The following PTCHD4 variants were observed in gnomAD, a reference collection of about 807,000 sequenced individuals.
The protein encoded by PTCHD4 is patched domain-containing protein 4.
PTCHD4 carries 33 observed loss-of-function variants against 58.1 expected under a neutral mutation model. That is an observed-to-expected ratio of 0.57 (90% CI 0.43 to 0.76). PTCHD4 has a LOEUF of 0.76. PTCHD4 is among the 30% of genes least tolerant of loss of function. PTCHD4 has a pLI of 0.00. For missense variants in PTCHD4, 1,058 were observed against 1,027.1 expected (o/e 1.03, Z -0.41); for synonymous variants, 478 against 409.6 (o/e 1.17, Z -2.02).
chr6:47,895,507 T>C (rs767963503), intron 4 of PTCHD4, among the ~76,000 whole-genome samples: 13 of 152,198 alleles, frequency 8.5e-5, no homozygotes, highest in Non-Finnish European at 1.8e-4. Flanking sequence ...TAGTTAACAT[T>C]GACATGGGAA....
intron 4 of PTCHD4, among the ~76,000 whole-genome samples, chr6:47,923,866 C>T (rs949192604): frequency 1.3e-5 from 2 of 152,154 alleles, no homozygotes; most frequent in African/African-American, 2.4e-5. Context: ...TCTCTTGGCA[C>T]GTGCTTCTTG....
chr6:48,028,799 C>T (rs1413148695), intron 3 of PTCHD4, among the ~76,000 whole-genome samples: 1 of 152,010 alleles, frequency 6.6e-6, no homozygotes, highest in Non-Finnish European at 1.5e-5. Flanking sequence ...AGGCTTTTGA[C>T]ATTTTTGATA....
intron 3 of PTCHD4, among the ~76,000 whole-genome samples, chr6:48,026,254 G>C (rs893841284): frequency 1.3e-5 from 2 of 152,104 alleles, no homozygotes; most frequent in African/African-American, 4.8e-5. Flanking sequence ...TTCCTGGCTG[G>C]CTGTGAGGTT....
At chr6:48,001,805 C>G (rs1768733062) in intron 4 of PTCHD4, among the ~76,000 whole-genome samples, 1 of 152,178 alleles carries the variant, frequency 6.6e-6, no homozygotes, top group Non-Finnish European at 1.5e-5. Flanking sequence ...AAGAAACTAC[C>G]ATTAGCGTGA....
intron 3 of PTCHD4, among the ~76,000 whole-genome samples, chr6:48,046,995 A>C (rs1317272131): frequency 6.6e-6 from 1 of 151,866 alleles, no homozygotes; most frequent in Non-Finnish European, 1.5e-5. Context: ...TCATAAACTG[A>C]ATATTGCTTG....
At chr6:48,022,926 A>AT (rs1162685351) in intron 3 of PTCHD4, among the ~76,000 whole-genome samples, 8 of 152,188 alleles carry the variant, frequency 5.3e-5, no homozygotes, top group Non-Finnish European at 1.0e-4. Flanking sequence ...GGAAAAAAAA[A>AT]GCATTGCCTT....
At position 48,009,078 on chromosome 6, in the gene PTCHD4, C is replaced by T. The variant is rs779224258; in HGVS notation, c.454G>A (p.Gly152Arg). The change falls in exon 4 of 5, where the codon GGG becomes AGG. Residue 152 changes from glycine (G) to arginine (R), a missense_variant. Physicochemically the swap from Gly to Arg is moderately radical, Grantham distance 125. Transcript: ENST00000339488. ...RNSFIGHQLG[G>R]VVEVPNSKDQ... ...TTGCTGTTTGGCACTTCCACTACCC[C>T]GCCCAGTTGGTGTCCAATAAAACTG... The T allele has an allele frequency of 1.5e-5, 24 of 1,613,138 alleles. No individual in the cohort carries two copies. The highest frequency in any genetic ancestry group is 6.7e-5 in the Admixed American group (4 of 59,904).
At position 47,859,851 on chromosome 6, in the gene PTCHD4, G is replaced by C. The variant is rs1364110713; in HGVS notation, c.*18452C>G. Among the ~76,000 whole-genome samples, 1 of 151,984 alleles carries C rather than the reference G, an allele frequency of 6.6e-6. No individual in the cohort carries two copies. Among genetic ancestry groups the C allele is most frequent in the Non-Finnish European group, 1.5e-5 (1 of 67,938 alleles). ...TCTGTGGCTAACTGGGGGAAGAAGA[G>C]CATTCAGGGTGGTGGGAACTGCAAT... On this transcript the variant is annotated 3_prime_UTR_variant, in exon 5 of 5. Coordinates refer to ENST00000339488, the MANE Select transcript of PTCHD4 (RefSeq NM_001384253.1).
At position 47,959,939 on chromosome 6, in the gene PTCHD4, A is replaced by G. The variant is rs529373393; in HGVS notation, c.898+48695T>C. ...ATACAAATGTTATAAGCAAAAAAAA[A>G]CCCCAGAGTTTTTCTTCTTATTTAA... On this transcript the variant is annotated intron_variant, in intron 4 of 4. Transcript: ENST00000339488. Among the ~76,000 whole-genome samples, 4 of 152,056 alleles carry G rather than the reference A, an allele frequency of 2.6e-5. No homozygotes were observed. In the South Asian group the frequency reaches 8.3e-4, roughly 32 times the overall value.
chr6:47,915,783 C>G (rs7750312), intron 4 of PTCHD4, among the ~76,000 whole-genome samples: 1 of 151,892 alleles, frequency 6.6e-6, no homozygotes, highest in African/African-American at 2.4e-5. Flanking sequence ...ACTGGCACAA[C>G]GAAGCACAAA....
Position 47,869,077 on chromosome 6 carries a change from TTAAGTA to T in PTCHD4, c.*9220_*9225del. ...AGTGGCTTGTGGAATATTAAATTGT[TTAAGTA>T]TAATTTTGGCATCAAGTGACCTTAC... On this transcript the variant is annotated 3_prime_UTR_variant, in exon 5 of 5. Transcript: ENST00000339488. Among the ~76,000 whole-genome samples the T allele has an allele frequency of 6.6e-6, 1 of 151,886 alleles. No individual in the cohort carries two copies. Among genetic ancestry groups the T allele is most frequent in the African/African-American group, 2.4e-5 (1 of 41,510 alleles).
chr6:47,923,479 C>T (rs1388461275), intron 4 of PTCHD4, among the ~76,000 whole-genome samples: 1 of 152,186 alleles, frequency 6.6e-6, no homozygotes, highest in Non-Finnish European at 1.5e-5. Context: ...TTAAGTTGCA[C>T]AGATCGATGT....
At chr6:48,075,991 G>A (rs535923485) in intron 1 of PTCHD4, among the ~76,000 whole-genome samples, 3 of 152,214 alleles carry the variant, frequency 2.0e-5, no homozygotes, top group South Asian at 4.1e-4. Context: ...TTGTTTGATC[G>A]CATTTCACCC....
At chr6:47,892,805 T>A (rs1581837908) in intron 4 of PTCHD4, among the ~76,000 whole-genome samples, 1 of 152,218 alleles carries the variant, frequency 6.6e-6, no homozygotes, top group African/African-American at 2.4e-5. Context: ...CCCTGAATGT[T>A]TTGTGGCCTT....
At chr6:47,984,332 C>T (rs1005684572) in intron 4 of PTCHD4, among the ~76,000 whole-genome samples, 1 of 152,080 alleles carries the variant, frequency 6.6e-6, no homozygotes, top group African/African-American at 2.4e-5. Flanking sequence ...GGGAAGCAGG[C>T]ACATCTTGCA....
intron 4 of PTCHD4, among the ~76,000 whole-genome samples, chr6:47,909,406 T>C (rs979617560): frequency 4.6e-5 from 7 of 152,154 alleles, no homozygotes; most frequent in African/African-American, 7.2e-5. Context: ...CCAGTAAGCA[T>C]GCAATGCATA....
intron 3 of PTCHD4, among the ~76,000 whole-genome samples, chr6:48,029,114 G>A (rs1280848228): frequency 2.6e-5 from 4 of 151,868 alleles, no homozygotes; most frequent in Admixed American, 6.6e-5. Flanking sequence ...TCATAATTCC[G>A]GTTACTGTTT....
Position 47,878,108 on chromosome 6 carries a change from A to G in PTCHD4, c.*195T>C, listed in dbSNP as rs1372521081. 1 of 497,736 alleles carries G rather than the reference A, an allele frequency of 2.0e-6. No individual in the cohort carries two copies. The highest frequency in any genetic ancestry group is 3.5e-6 in the Non-Finnish European group (1 of 286,000). The allele number at this position is 497,736 out of a possible 1,614,324, so 30.8% of individuals were successfully genotyped here. ...TGTTTTTAGAGGAGAACAAGGTTGCAAATAACTTTTTCCTCTTTTTTTATT... is the reference window on the plus strand; with the variant it reads ...TGTTTTTAGAGGAGAACAAGGTTGCGAATAACTTTTTCCTCTTTTTTTATT... On this transcript the variant is annotated 3_prime_UTR_variant, in exon 5 of 5. Transcript: ENST00000339488.
chr6:48,038,278 A>G (rs994056818), intron 3 of PTCHD4, among the ~76,000 whole-genome samples: 1 of 152,148 alleles, frequency 6.6e-6, no homozygotes, highest in Non-Finnish European at 1.5e-5. Context: ...TGATGCAGCC[A>G]CAGAAAACAG....
Sources: allele counts gnomAD v4.1 joint callset (sites outside exome capture counted in the v4.1 genomes callset), GRCh38; gene constraint gnomAD v4.1.1; transcripts MANE v1.5; gene names NCBI Gene and HGNC (gene_info 2026-07-23, HGNC 2026-07-21).